MDN1: variants seen among roughly 807,000 people sequenced by gnomAD.
The protein encoded by MDN1 is midasin.
MDN1 carries 266 observed loss-of-function variants against 669.2 expected under a neutral mutation model. The ratio of observed to expected loss-of-function variants is 0.40; its 90% CI spans 0.36 to 0.44. The LOEUF (loss-of-function observed/expected upper bound fraction) is 0.44. MDN1 is among the 20% of genes least tolerant of loss of function. The pLI, the probability that MDN1 is intolerant of heterozygous loss-of-function variation, is 1.00. For missense variants in MDN1, 5,940 were observed against 6,754.0 expected, an observed-to-expected ratio of 0.88 and a Z score of 4.22; for synonymous variants, 2,385 against 2,457.1, an observed-to-expected ratio of 0.97 and a Z score of 0.87.
At chr6:89,801,888 G>C (rs934055019) in intron 2 of MDN1, among the ~76,000 whole-genome samples, 11 of 151,954 alleles carry the variant, frequency 7.2e-5, no homozygotes, top group African/African-American at 2.4e-4. Context: ...CTTGAACCCA[G>C]GAGAAAGAGG....
chr6:89,736,142 A>G (rs931935537), intron 33 of MDN1, among the ~76,000 whole-genome samples: 40 of 152,226 alleles, frequency 2.6e-4, no homozygotes, highest in Non-Finnish European at 7.3e-5. Flanking sequence ...TCTAGAAAAT[A>G]TAACTGCTGT....
At chr6:89,765,305 G>A (rs1042278803) in intron 15 of MDN1, among the ~76,000 whole-genome samples, 1 of 151,922 alleles carries the variant, frequency 6.6e-6, no homozygotes, top group Admixed American at 6.6e-5. Flanking sequence ...TACTTTAAAG[G>A]ATCATTGTAA....
chr6:89,704,900 C>T (rs1021689990), intron 53 of MDN1, among the ~76,000 whole-genome samples: 2 of 152,170 alleles, frequency 1.3e-5, no homozygotes, highest in Admixed American at 1.3e-4. Flanking sequence ...AATTTTAACA[C>T]AAGAAGTTCA....
rs1450373734 is a variant in MDN1 at position 89,692,920 on chromosome 6, C to A, written c.10110G>T (p.Lys3370Asn). ...GTGACTGCTGCCAAGAGGCCTCCTC[C>A]TTTAGAAGGCTCTGGGCTACTTGGG... ...RSAQVAQSLLKEEASWQQSHH... is the reference protein window; with the variant it reads ...RSAQVAQSLLNEEASWQQSHH... The change falls in exon 63 of 102, where the codon AAG (lysine) becomes AAT (asparagine). Residue 3370 changes from lysine to asparagine, a missense_variant. Around this residue, in one of 5 missense-constraint regions of MDN1, gnomAD observed 150 missense variants for 234.2 expected, o/e 0.64. Coordinates refer to ENST00000369393, the MANE Select transcript of MDN1 (RefSeq NM_014611.3). The A allele has an allele frequency of 6.2e-7, 1 of 1,614,206 alleles. No individual in the cohort carries two copies. The highest frequency in any genetic ancestry group is 1.3e-5 in the African/African-American group (1 of 75,076).
chr6:89,813,733 G>A (rs555498612), intron 1 of MDN1, among the ~76,000 whole-genome samples: 1 of 151,736 alleles, frequency 6.6e-6, no homozygotes, highest in East Asian at 1.9e-4. Flanking sequence ...TTCGGGCAGG[G>A]GAAGCATTAA....
chr6:89,669,333 G>C (rs1223775358), intron 83 of MDN1, among the ~76,000 whole-genome samples: 2 of 152,156 alleles, frequency 1.3e-5, no homozygotes, highest in Non-Finnish European at 2.9e-5. Context: ...AGGCTGGCCT[G>C]GTGCCCACCA....
chr6:89,705,600 T>C (rs1210736639), intron 53 of MDN1, among the ~76,000 whole-genome samples: 1 of 152,216 alleles, frequency 6.6e-6, no homozygotes, highest in Non-Finnish European at 1.5e-5. Flanking sequence ...ACCACATGGA[T>C]GCATCTCCAA....
At chr6:89,726,612 G>T (rs1470611542) in intron 37 of MDN1, among the ~76,000 whole-genome samples, 2 of 151,878 alleles carry the variant, frequency 1.3e-5, no homozygotes, top group Non-Finnish European at 2.9e-5. Context: ...GGGTTTCAAA[G>T]TCAGGATATA....
chr6:89,792,490 A>G (rs182409839), intron 5 of MDN1, among the ~76,000 whole-genome samples: 230 of 152,196 alleles, frequency 1.5e-3, no homozygotes, highest in African/African-American at 5.3e-3. Flanking sequence ...AGGTTGGGAT[A>G]CTGGTTACAG....
At chr6:89,818,251 G>A (rs917086317) in intron 1 of MDN1, among the ~76,000 whole-genome samples, 1 of 150,196 alleles carries the variant, frequency 6.7e-6, no homozygotes, top group Non-Finnish European at 1.5e-5. Context: ...CTCGAGAGGC[G>A]GAGGTTGCAG....
In MDN1 at chr6:89,655,951, A is replaced by G; in HGVS notation, c.15303T>C (p.Pro5101=). ...RKNTQSFKRK[P]GQADNERSMG... ...TGGAACGTTCATTGTCAGCCTGCCC[A>G]GGTTTCCTCTTAAAACTCTGAGAAA... Residue 5101 remains proline, a synonymous_variant, in exon 92 of 102, where the codon CCT becomes CCC. Transcript: ENST00000369393. 6.2e-7 allele frequency: 1 copy of G among 1,613,816 alleles called. No individual in the cohort carries two copies. The highest frequency in any genetic ancestry group is 8.5e-7 in the Non-Finnish European group (1 of 1,180,004).
chr6:89,664,071 A>AG (rs1377610397), intron 85 of MDN1, among the ~76,000 whole-genome samples: 2 of 152,300 alleles, frequency 1.3e-5, no homozygotes, highest in East Asian at 3.9e-4. Context: ...GGTAGGCCTG[A>AG]GGGGGGATCT....
At chr6:89,723,797 C>A (rs1447788719) in intron 38 of MDN1, among the ~76,000 whole-genome samples, 178 bp from the exon 39 acceptor site, 1 of 151,976 alleles carries the variant, frequency 6.6e-6, no homozygotes, top group Non-Finnish European at 1.5e-5. Context: ...ATCATAAAAT[C>A]TTCTAAATAC....
chr6:89,746,480 G>A (rs1488795765), intron 27 of MDN1, among the ~76,000 whole-genome samples: 5 of 151,838 alleles, frequency 3.3e-5, no homozygotes, highest in Non-Finnish European at 2.9e-5. Context: ...TACTTGGGAG[G>A]CTGAGGCAGG....
At chr6:89,710,840 T>A (rs1813855327) in intron 49 of MDN1, 46 bp from the exon 50 acceptor site, 2 of 1,164,090 alleles carry the variant, frequency 1.7e-6, no homozygotes, top group South Asian at 2.8e-5. Context: ...AGCAGTGCTA[T>A]CCAATTGAAC....
At position 89,772,741 on chromosome 6, in the gene MDN1, A is replaced by G; in HGVS notation, c.1935-20T>C. On this transcript the variant is annotated intron_variant, in intron 13 of 101. Coordinates refer to ENST00000369393, the MANE Select transcript of MDN1 (RefSeq NM_014611.3). ...TTCTCCCTGGGAAGGAGAAAAAAAG[A>G]GTTTAAAAACCACGCTGCAAGCTTC... is the stretch of plus-strand genomic sequence containing the variant. 1 of 1,610,056 alleles carries G rather than the reference A, an allele frequency of 6.2e-7. No individual in the cohort carries two copies. The highest frequency in any genetic ancestry group is 1.8e-4 in the Middle Eastern group (1 of 5,486).
intron 92 of MDN1, among the ~76,000 whole-genome samples, chr6:89,655,368 A>G (rs1456977435): frequency 6.6e-6 from 1 of 152,186 alleles, no homozygotes; most frequent in Non-Finnish European, 1.5e-5. Flanking sequence ...GAGGTGACTA[A>G]GAAGAAAGAA....
intron 9 of MDN1, among the ~76,000 whole-genome samples, chr6:89,782,138 T>C (rs1412166054): frequency 1.3e-5 from 2 of 152,162 alleles, no homozygotes; most frequent in Non-Finnish European, 1.5e-5. Flanking sequence ...AATCTCACCA[T>C]CTACAATACA....
At position 89,658,613 on chromosome 6, in the gene MDN1, G is replaced by C; in HGVS notation, c.15018C>G (p.Pro5006=). 1 of 1,605,646 alleles carries C rather than the reference G, an allele frequency of 6.2e-7. No individual in the cohort carries two copies. The highest frequency in any genetic ancestry group is 8.5e-7 in the Non-Finnish European group (1 of 1,173,624). The stretch of plus-strand genomic sequence containing the variant: ...AAAGCCAGACATCTCATGATACCTG[G>C]GGCTGGAAACCTTGGTCAGCAGGGC... ...ENGPADQGFQ[P]QEEEEREDSD... The change falls in exon 89 of 102, where the codon CCC becomes CCG. Residue 5006 remains proline (P), a synonymous_variant. Transcript: ENST00000369393.
Sources: gnomAD v4.1 joint callset for allele counts (sites outside exome capture counted in the v4.1 genomes callset) on GRCh38, gnomAD v4.1.1 for gene constraint, gnomAD v4.1.1 regional missense constraint, MANE v1.5 for transcripts, NCBI Gene and HGNC (gene_info 2026-07-23, HGNC 2026-07-21) for gene names.